Variants in MEF2C observed in about 807,000 individuals in gnomAD.
The protein encoded by MEF2C is myocyte-specific enhancer factor 2C.
MEF2C carries 6 observed loss-of-function variants against 50.5 expected under a neutral mutation model. That is an observed-to-expected ratio of 0.12 (90% CI 0.07 to 0.23). The LOEUF is 0.23. MEF2C is among the 10% of genes least tolerant of loss of function. The pLI is 1.00. For missense variants in MEF2C, 276 were observed against 605.0 expected (o/e 0.46, Z 5.70); for synonymous variants, 183 against 228.0 (o/e 0.80, Z 1.78).
intron 3 of MEF2C, chr5:88,776,047 T>C (rs1407443796): frequency 6.5e-6 from 1 of 153,300 alleles, no homozygotes; most frequent in African/African-American, 2.4e-5. Flanking sequence ...CTATTCCTAG[T>C]CCATTAAGAA....
At chr5:88,825,719 C>T (rs1810579152) in intron 1 of MEF2C, 1 of 683,582 alleles carries the variant, frequency 1.5e-6, no homozygotes, top group Non-Finnish European at 1.8e-6. Flanking sequence ...ATAGTCTTAC[C>T]TTAGAAGCAA....
At chr5:88,854,964 T>A (rs1822756288) in intron 1 of MEF2C, among the ~76,000 whole-genome samples, 1 of 152,220 alleles carries the variant, frequency 6.6e-6, no homozygotes, top group Non-Finnish European at 1.5e-5. Context: ...TTTATGTGAA[T>A]GGCTTGACCC....
chr5:88,725,870 G>C (rs941261576), intron 10 of MEF2C, among the ~76,000 whole-genome samples: 2 of 152,094 alleles, frequency 1.3e-5, no homozygotes, highest in African/African-American at 4.8e-5. Flanking sequence ...AATGCTTCCA[G>C]AAAACAGGCT....
chr5:88,839,203 A>G (rs1816339073), intron 1 of MEF2C: 1 of 152,130 alleles, frequency 6.6e-6, no homozygotes, highest in Non-Finnish European at 1.5e-5. Context: ...CCATGTACCT[A>G]TGTTTGTACA....
intron 1 of MEF2C, among the ~76,000 whole-genome samples, chr5:88,864,151 GTT>G (rs113018209): frequency 1.0e-4 from 10 of 95,886 alleles, no homozygotes; most frequent in East Asian, 3.6e-4. Context: ...TTTTTTTTTT[GTT>G]TTTTTTTTTA....
intron 1 of MEF2C, among the ~76,000 whole-genome samples, chr5:88,861,161 TC>T (rs1825370883): frequency 6.6e-6 from 1 of 152,278 alleles, no homozygotes; most frequent in South Asian, 2.1e-4. Context: ...TGCATTTGCT[TC>T]ACCCTAGTGT....
chr5:88,735,671 T>C (rs938847921), intron 6 of MEF2C: 14 of 985,422 alleles, frequency 1.4e-5, no homozygotes, highest in South Asian at 4.7e-5. Context: ...TGTCAATACA[T>C]AGAACTTGAA....
intron 6 of MEF2C, chr5:88,742,180 C>T (rs1259972820): frequency 4.0e-5 from 39 of 985,160 alleles, no homozygotes; most frequent in Non-Finnish European, 4.6e-5. Flanking sequence ...TTAACCAAAT[C>T]CCCCCTTCAG....
At chr5:88,815,172 T>C (rs755421871) in intron 2 of MEF2C, among the ~76,000 whole-genome samples, 5 of 152,148 alleles carry the variant, frequency 3.3e-5, no homozygotes, top group Non-Finnish European at 5.9e-5. Flanking sequence ...ACATGTTTAC[T>C]AGTTCAACAA....
intron 4 of MEF2C, among the ~76,000 whole-genome samples, chr5:88,754,432 C>A (rs1774313948): frequency 6.6e-6 from 1 of 152,202 alleles, no homozygotes; most frequent in African/African-American, 2.4e-5. Context: ...CATCTGTAAA[C>A]AGTCCTTTTA....
chr5:88,773,574 G>T lies in MEF2C; in HGVS notation c.259-12246C>A, dbSNP rs531979090. 1.7e-4 allele frequency among the ~76,000 whole-genome samples: 26 copies of T among 152,258 alleles called. 1 individual carries two copies. The South Asian group carries it at 5.4e-3, about 32-fold the overall frequency. ...TCTTGCAGACAGGAAGTCTCCTGAC[G>T]ACTTTCCATCCTTGGCAACTAGTAG... On this transcript the variant is annotated intron_variant, in intron 3 of 10. Transcript: ENST00000504921.
intron 3 of MEF2C, chr5:88,768,581 T>G (rs1031666721): frequency 1.9e-6 from 1 of 526,914 alleles, no homozygotes; most frequent in Admixed American, 6.4e-5. Flanking sequence ...ATTTGTCATC[T>G]CGTATCACCA....
At chr5:88,841,341 T>A (rs1044541258) in intron 1 of MEF2C, among the ~76,000 whole-genome samples, 1 of 151,978 alleles carries the variant, frequency 6.6e-6, no homozygotes, top group African/African-American at 2.4e-5. Flanking sequence ...ACCCTGCCTC[T>A]ACAAAAAATT....
chr5:88,812,798 C>T (rs1803457143), intron 2 of MEF2C, among the ~76,000 whole-genome samples: 1 of 152,100 alleles, frequency 6.6e-6, no homozygotes, highest in African/African-American at 2.4e-5. Flanking sequence ...CCTCTTCACA[C>T]AAAGTGCATC....
chr5:88,808,818 A>G (rs148874874), intron 2 of MEF2C, among the ~76,000 whole-genome samples: 4 of 152,228 alleles, frequency 2.6e-5, no homozygotes, highest in African/African-American at 7.2e-5. Context: ...AAAGATTTCA[A>G]TTCTGCGCTT....
In MEF2C at chr5:88,740,361, T is replaced by G. The variant is rs978084198; in HGVS notation, c.638-8460A>C. On this transcript the variant is annotated intron_variant, in intron 6 of 10. Coordinates refer to ENST00000504921, the MANE Select transcript of MEF2C (RefSeq NM_002397.5). ...ATTGTGAGGGAGAGGTAAAGAAATT[T>G]TACTTATTACTAAGTTGTTTTTCCA... 5.1e-6 allele frequency: 5 copies of G among 985,140 alleles called. No individual in the cohort carries two copies. In the African/African-American group the frequency reaches 7.0e-5, roughly 14 times the overall value. The allele number at this position is 985,140 out of a possible 1,614,324, so 61.0% of individuals were successfully genotyped here.
intron 4 of MEF2C, among the ~76,000 whole-genome samples, chr5:88,756,248 A>G (rs1231146695): frequency 1.3e-5 from 2 of 152,170 alleles, no homozygotes; most frequent in East Asian, 3.9e-4. Context: ...TAGTGTACCC[A>G]TTACCCAAAT....
intron 1 of MEF2C, chr5:88,877,938 G>A (rs920301549): frequency 5.3e-5 from 8 of 151,814 alleles, no homozygotes; most frequent in African/African-American, 1.5e-4. Context: ...ATTCACTTAC[G>A]TACTGCATAT....
At chr5:88,829,807 A>G (rs185115370) in intron 1 of MEF2C, among the ~76,000 whole-genome samples, 1 of 152,072 alleles carries the variant, frequency 6.6e-6, no homozygotes, top group African/African-American at 2.4e-5. Flanking sequence ...TGATTATTTA[A>G]TCCCTTGGAA....
Sources: allele counts gnomAD v4.1 joint callset (sites outside exome capture counted in the v4.1 genomes callset), GRCh38; gene constraint gnomAD v4.1.1; transcripts MANE v1.5; gene names NCBI Gene and HGNC (gene_info 2026-07-23, HGNC 2026-07-21).